The following HERC1 variants were observed in gnomAD, a reference collection of about 807,000 sequenced individuals.
The protein encoded by HERC1 is probable E3 ubiquitin-protein ligase HERC1.
A neutral mutation model predicts 554.3 loss-of-function variants in HERC1; 160 were observed. The observed-to-expected ratio is 0.29, with a 90% CI of 0.25 to 0.33. The LOEUF is 0.33. Among genes scored for constraint, HERC1 ranks in the 10% least tolerant of loss-of-function variants. HERC1 has a pLI of 1.00. For synonymous variants in HERC1, 2,175 were observed against 2,131.7 expected (o/e 1.02, Z -0.56); for missense variants, 4,919 against 5,918.5 (o/e 0.83, Z 5.54).
intron 12 of HERC1, among the ~76,000 whole-genome samples, chr15:63,735,220 AG>A (rs2074447851): frequency 6.6e-6 from 1 of 152,098 alleles, no homozygotes; most frequent in Non-Finnish European, 1.5e-5. Flanking sequence ...TAAATGTGAA[AG>A]GAGTCACATA....
At position 63,727,985 on chromosome 15, in the gene HERC1, A is replaced by G; in HGVS notation, c.3155-147T>C. The G allele has an allele frequency of 3.3e-6, 2 of 612,758 alleles. No individual in the cohort carries two copies. Among genetic ancestry groups the G allele is most frequent in the Middle Eastern group, 4.5e-4 (1 of 2,238 alleles). 38.0% of individuals were successfully genotyped at this position (612,758 alleles called of 1,614,324 possible). A position where few individuals can be genotyped will look rare whatever the true frequency, so the allele number is the denominator to read the frequency against. ...ACACCTACCTGGTAGCTGATGTAGT[A>G]TCAGTGTTTATTCACTTTCAGAAAG... On this transcript the variant is annotated intron_variant, in intron 16 of 77. Coordinates refer to ENST00000443617, the MANE Select transcript of HERC1 (RefSeq NM_003922.4). This position sits in a 1 kb window ranked among gnomAD's most constrained non-coding sequence, Gnocchi z 4.3.
intron 51 of HERC1, 132 bp from the exon 52 acceptor site, chr15:63,652,673 G>C (rs994542087): frequency 1.6e-5 from 12 of 739,428 alleles, no homozygotes; most frequent in Non-Finnish European, 2.5e-5. Flanking sequence ...CTTTTCTTGA[G>C]ATGAAGTCTT....
At chr15:63,792,511 C>A (rs915710998) in intron 1 of HERC1, among the ~76,000 whole-genome samples, 2 of 152,158 alleles carry the variant, frequency 1.3e-5, no homozygotes, top group Admixed American at 1.3e-4. Context: ...TTGGAGTATC[C>A]CCAACTAATT....
intron 58 of HERC1, 133 bp downstream of exon 58, chr15:63,643,271 T>C (rs1450469629): frequency 1.1e-6 from 1 of 893,882 alleles, no homozygotes; most frequent in African/African-American, 1.7e-5. Flanking sequence ...GGGCAGAGGA[T>C]TCTGAAAGAA....
chr15:63,631,922 C>A (rs2152805786), intron 68 of HERC1, among the ~76,000 whole-genome samples: 1 of 149,928 alleles, frequency 6.7e-6, no homozygotes, highest in South Asian at 2.1e-4. Context: ...TCATTCTATA[C>A]TCTCTCTCTC....
chr15:63,619,839 T>TATC (rs2067993784), intron 74 of HERC1, among the ~76,000 whole-genome samples: 2 of 152,162 alleles, frequency 1.3e-5, no homozygotes, highest in Admixed American at 1.3e-4. Flanking sequence ...TCGGTGGTGA[T>TATC]ATCCCCTTTG....
chr15:63,634,430 G>C (rs1033692819), intron 66 of HERC1, among the ~76,000 whole-genome samples: 6 of 152,174 alleles, frequency 3.9e-5, no homozygotes, highest in Non-Finnish European at 8.8e-5. Flanking sequence ...GGAGCTACTA[G>C]TATCTGTATT....
intron 22 of HERC1, chr15:63,713,885 T>C (rs1299124225): frequency 2.2e-6 from 1 of 453,444 alleles, no homozygotes; most frequent in Non-Finnish European, 3.9e-6. Context: ...GAAATACTAA[T>C]CTGCCTTTAC....
At chr15:63,643,275 G>A (rs1029108433) in intron 58 of HERC1, 129 bp downstream of exon 58, 6 of 913,442 alleles carry the variant, frequency 6.6e-6, no homozygotes, top group Non-Finnish European at 8.2e-6. Context: ...AGAGGATTCT[G>A]AAAGAAGTTT....
intron 1 of HERC1, among the ~76,000 whole-genome samples, chr15:63,790,946 G>A (rs2076632752): frequency 6.6e-6 from 1 of 151,998 alleles, no homozygotes; most frequent in African/African-American, 2.4e-5. Context: ...AAAACTGAAA[G>A]ATATCTTTAT....
At position 63,760,152 on chromosome 15, in the gene HERC1, T is replaced by C. The variant is rs867600415; in HGVS notation, c.1027-1783A>G. 3.9e-4 allele frequency among the ~76,000 whole-genome samples: 59 copies of C among 150,934 alleles called. No homozygotes were observed. In the Middle Eastern group the frequency reaches 0.01, roughly 26 times the overall value. Reference sequence around the variant, plus strand: ...GGATAGGGACAACAGAAAGGAAAGATGGAAAGGAAAGAGAATACCAAGACA... The same window carrying C: ...GGATAGGGACAACAGAAAGGAAAGACGGAAAGGAAAGAGAATACCAAGACA... On this transcript the variant is annotated intron_variant, in intron 3 of 77. Coordinates refer to ENST00000443617, the MANE Select transcript of HERC1 (RefSeq NM_003922.4).
intron 27 of HERC1, 125 bp from the exon 28 acceptor site, chr15:63,695,019 T>C: frequency 1.3e-6 from 1 of 748,176 alleles, no homozygotes. Context: ...TTATTTACTA[T>C]ATTTCATATA....
intron 8 of HERC1, among the ~76,000 whole-genome samples, chr15:63,751,631 C>T (rs1170373411): frequency 1.3e-5 from 2 of 152,054 alleles, no homozygotes; most frequent in East Asian, 3.8e-4. Context: ...CTGAGACAGA[C>T]TGAGGGAAAA....
In HERC1 at chr15:63,643,453, G is replaced by A; in HGVS notation, c.11282C>T (p.Ala3761Val). 2 of 1,613,308 alleles carry A rather than the reference G, an allele frequency of 1.2e-6. No homozygotes were observed. The highest frequency in any genetic ancestry group is 1.7e-6 in the Non-Finnish European group (2 of 1,179,582). ...RTVAFSSDGL[A>V]LVSGGLGGLM... ...CCCACCTAGTCCACCAGACACCAGG[G>A]CCAACCCATCAGAACTAAAGGCAAC... The change falls in exon 58 of 78, where the codon GCC becomes GTC. Residue 3761 changes from alanine to valine, a missense_variant. By Grantham distance (64) the Ala-to-Val change is moderately conservative. Around this residue, in one of 11 missense-constraint regions of HERC1, gnomAD observed 1,963 missense variants for 2,228.6 expected, o/e 0.88. Transcript: ENST00000443617.
At chr15:63,724,498 ATTTTG>A (rs1049460137) in intron 18 of HERC1, among the ~76,000 whole-genome samples, 9 of 152,140 alleles carry the variant, frequency 5.9e-5, no homozygotes, top group Middle Eastern at 3.4e-3. Flanking sequence ...AATCTTTCTC[ATTTTG>A]TTTTGTTTTT....
At chr15:63,652,966 T>C (rs2069780698) in intron 51 of HERC1, among the ~76,000 whole-genome samples, 2 of 152,170 alleles carry the variant, frequency 1.3e-5, no homozygotes, top group African/African-American at 4.8e-5. Flanking sequence ...CTTTTCTAAA[T>C]GGCTTGCAAA....
At position 63,623,805 on chromosome 15, in the gene HERC1, C is replaced by A; in HGVS notation, c.13531G>T (p.Ala4511Ser). ...TCTCCAACCAGCTTAACCTTCCACG[C>A]TCGGGAAGGCAGGCGGAGGTCTGAA... ...NASDLRLPSR[A>S]WKVKLVGEGA... Residue 4511 changes from alanine (A) to serine (S), a missense_variant, in exon 73 of 78, where the codon GCG becomes TCG. Physicochemically the swap from Ala to Ser is moderately conservative, Grantham distance 99. Transcript: ENST00000443617. 4.3e-6 allele frequency: 7 copies of A among 1,613,930 alleles called. No homozygotes were observed. The highest frequency in any genetic ancestry group is 5.9e-6 in the Non-Finnish European group (7 of 1,179,808).
rs747196454 is a variant in HERC1, at chr15:63,623,707, G to A, written c.13611+18C>T. The A allele has an allele frequency of 5.0e-6, 8 of 1,611,900 alleles. No homozygotes were observed. Among genetic ancestry groups the A allele is most frequent in the East Asian group, 2.2e-5 (1 of 44,878 alleles). On this transcript the variant is annotated intron_variant, in intron 73 of 77. Coordinates refer to ENST00000443617, the MANE Select transcript of HERC1 (RefSeq NM_003922.4). The stretch of plus-strand genomic sequence containing the variant: ...TAGCAGACTAGATAACTCAGCAGGG[G>A]ACACTGCAGGAATATACCTGGCACA...
chr15:63,622,124 T>C (rs2068104344), intron 74 of HERC1, among the ~76,000 whole-genome samples: 1 of 152,176 alleles, frequency 6.6e-6, no homozygotes, highest in Non-Finnish European at 1.5e-5. Context: ...AGTATGTAAT[T>C]GCAAATACTA....
Sources: gnomAD v4.1 joint callset for allele counts (sites outside exome capture counted in the v4.1 genomes callset) on GRCh38, gnomAD v4.1.1 for gene constraint, gnomAD v4.1.1 regional missense constraint, Gnocchi (gnomAD v3.1) non-coding constraint, MANE v1.5 for transcripts, NCBI Gene and HGNC (gene_info 2026-07-23, HGNC 2026-07-21) for gene names.